MZT2A: variants seen among roughly 807,000 people sequenced by gnomAD.
MZT2A encodes mitotic-spindle organizing protein 2A.
In MZT2A, 8 loss-of-function variants were observed where a neutral mutation model predicts 12.4. That is an observed-to-expected ratio of 0.64 (90% CI 0.38 to 1.16). The LOEUF (loss-of-function observed/expected upper bound fraction) is 1.16, where lower values mean the gene tolerates loss of function less well. MZT2A is among the 50% of genes most tolerant of loss of function. MZT2A has a pLI of 0.01. For missense variants in MZT2A, 181 were observed against 223.6 expected, an observed-to-expected ratio of 0.81 and a Z score of 1.22; for synonymous variants, 88 against 107.5, an observed-to-expected ratio of 0.82 and a Z score of 1.12.
chr2:131,481,326 T>C (rs565475216), downstream of MZT2A, among the ~76,000 whole-genome samples: 2 of 152,140 alleles, frequency 1.3e-5, no homozygotes, highest in African/African-American at 4.8e-5. Context: ...TGTAGTATAG[T>C]AGTGTGATCT....
chr2:131,493,123 A>G (rs1456900104), upstream of MZT2A: 3 of 1,485,110 alleles, frequency 2.0e-6, no homozygotes, highest in Non-Finnish European at 2.7e-6. Flanking sequence ...GAAGCGGGCG[A>G]CGCTATGGGT....
chr2:131,476,115 C>A, intron 2 of MZT2A: 1 of 1,607,624 alleles, frequency 6.2e-7, no homozygotes, highest in Non-Finnish European at 8.5e-7. Context: ...CGCGCACAGG[C>A]AGGAGGTTGC....
Position 131,484,009 on chromosome 2 carries a change from G to A in MZT2A, c.*52C>T. 6.4e-7 allele frequency: 1 copy of A among 1,558,000 alleles called. No individual in the cohort carries two copies. The highest frequency in any genetic ancestry group is 1.2e-5 in the South Asian group (1 of 84,038). On this transcript the variant is annotated 3_prime_UTR_variant, in exon 3 of 3. Transcript: ENST00000309451. ...AAAGGTTTATTATCAACTGAAGGAG[G>A]TAACATGTAGCCTTTGCTGGGGACA...
intron 2 of MZT2A, chr2:131,478,093 A>G: frequency 6.4e-7 from 1 of 1,554,322 alleles, no homozygotes; most frequent in Non-Finnish European, 8.7e-7. Flanking sequence ...TTAAATTAGA[A>G]TATTTTGCAT....
At chr2:131,490,735 G>T in intron 2 of MZT2A, 1 of 1,548,080 alleles carries the variant, frequency 6.5e-7, no homozygotes, top group Non-Finnish European at 8.7e-7. Context: ...AGAACAGGCA[G>T]CAAGAGAGGC....
downstream of MZT2A, among the ~76,000 whole-genome samples, chr2:131,482,049 G>A (rs575716275): frequency 1.1e-4 from 17 of 152,296 alleles, no homozygotes; most frequent in African/African-American, 4.1e-4. Context: ...ACCACTTCCT[G>A]CTGCTGTGGT....
intron 2 of MZT2A, among the ~76,000 whole-genome samples, chr2:131,488,682 C>T (rs114928873): frequency 1.6e-3 from 236 of 152,244 alleles, no homozygotes; most frequent in African/African-American, 5.5e-3. Context: ...CATCTGTGGC[C>T]TCTGCCTCTC....
chr2:131,475,883 G>C (rs1224500242), intron 2 of MZT2A, among the ~76,000 whole-genome samples: 1 of 152,202 alleles, frequency 6.6e-6, no homozygotes, highest in Non-Finnish European at 1.5e-5. Flanking sequence ...CAGCGCAGTA[G>C]CTGTTCCAAC....
upstream of MZT2A, chr2:131,492,505 G>A (rs1679381896): frequency 2.2e-5 from 25 of 1,128,012 alleles, no homozygotes; most frequent in Non-Finnish European, 2.7e-5. Flanking sequence ...GGAGCGCGGG[G>A]ACGGGGCCGC....
chr2:131,490,523 T>C, intron 2 of MZT2A: 5 of 1,458,220 alleles, frequency 3.4e-6, no homozygotes, highest in Non-Finnish European at 4.5e-6. Context: ...CTGTGGGGTC[T>C]AGAGACTGCC....
chr2:131,481,526 C>A (rs1678867498), downstream of MZT2A, among the ~76,000 whole-genome samples: 1 of 151,820 alleles, frequency 6.6e-6, no homozygotes, highest in Non-Finnish European at 1.5e-5. Context: ...ACCTCCACCT[C>A]CCGGGCTCAA....
intron 2 of MZT2A, among the ~76,000 whole-genome samples, chr2:131,476,648 G>A (rs1207197678): frequency 1.3e-5 from 2 of 152,138 alleles, no homozygotes; most frequent in African/African-American, 4.8e-5. Context: ...AAAGGCAACC[G>A]TTAGGCCAGG....
downstream of MZT2A, chr2:131,480,573 G>A (rs1173589746): frequency 1.2e-6 from 2 of 1,611,172 alleles, no homozygotes; most frequent in African/African-American, 2.8e-5. Flanking sequence ...GATCACCAAT[G>A]CCTGCTTCGA....
chr2:131,482,884 G>T, downstream of MZT2A: 1 of 1,581,250 alleles, frequency 6.3e-7, no homozygotes, highest in Non-Finnish European at 8.6e-7. Context: ...TGCCACCCCC[G>T]GGATGGCTGC....
intron 2 of MZT2A, among the ~76,000 whole-genome samples, chr2:131,484,586 AGCG>A (rs1251487507): frequency 8.3e-6 from 1 of 120,926 alleles, no homozygotes. Context: ...TCGTGCCATC[AGCG>A]GCAGCAGCAG....
downstream of MZT2A, among the ~76,000 whole-genome samples, chr2:131,479,784 G>A (rs183926391): frequency 1.3e-5 from 2 of 152,146 alleles, no homozygotes; most frequent in Non-Finnish European, 2.9e-5. Context: ...AGGTTGCAAT[G>A]AGCTGAGATT....
exon 4 of MZT2A, chr2:131,470,247 G>A: frequency 3.2e-6 from 2 of 626,556 alleles, no homozygotes; most frequent in East Asian, 6.7e-5. Context: ...AGCTCATTGA[G>A]CTCCAAGAAC....
At chr2:131,470,524 C>T (rs1222329631) in intron 3 of MZT2A, among the ~76,000 whole-genome samples, 2 of 152,068 alleles carry the variant, frequency 1.3e-5, no homozygotes, top group African/African-American at 2.4e-5. Flanking sequence ...CCCAGCCAAA[C>T]ATTCAATGGG....
At chr2:131,490,647 G>A (rs953688958) in intron 2 of MZT2A, 1 of 1,548,974 alleles carries the variant, frequency 6.5e-7, no homozygotes, top group Admixed American at 2.0e-5. Context: ...GGCCTCTTGG[G>A]GCCATGCAGT....
Sources: allele counts gnomAD v4.1 joint callset (sites outside exome capture counted in the v4.1 genomes callset), GRCh38; gene constraint gnomAD v4.1.1; transcripts MANE v1.5; gene names NCBI Gene and HGNC (gene_info 2026-07-23, HGNC 2026-07-21).